The following CEP57 variants were observed in gnomAD, a reference collection of about 807,000 sequenced individuals.
CEP57 encodes the protein centrosomal protein 57.
Under a neutral mutation model 68.0 loss-of-function variants are expected in CEP57, and 40 were observed. That is an observed-to-expected ratio of 0.59 (90% CI 0.46 to 0.77). The LOEUF (loss-of-function observed/expected upper bound fraction) is 0.77, where lower values mean the gene tolerates loss of function less well. Ranked by LOEUF, CEP57 falls within the 30% of genes least tolerant of loss-of-function variation. CEP57 has a pLI of 0.00. For synonymous variants in CEP57, 219 were observed against 198.7 expected, an observed-to-expected ratio of 1.10 and a Z score of -0.86; for missense variants, 606 against 580.7, an observed-to-expected ratio of 1.04 and a Z score of -0.45.
intron 1 of CEP57, among the ~76,000 whole-genome samples, chr11:95,796,782 A>C (rs1250390412): frequency 1.3e-5 from 2 of 152,214 alleles, no homozygotes; most frequent in Non-Finnish European, 2.9e-5. Flanking sequence ...GAGCATCTGC[A>C]TTTCTGCTCA....
At chr11:95,817,389 A>C (rs1305600910) in intron 4 of CEP57, among the ~76,000 whole-genome samples, 2 of 152,108 alleles carry the variant, frequency 1.3e-5, no homozygotes, top group African/African-American at 4.8e-5. Context: ...GTATAAAAGG[A>C]TATTATACAT....
chr11:95,797,668 T>C (rs569675761), intron 1 of CEP57, among the ~76,000 whole-genome samples: 5 of 152,302 alleles, frequency 3.3e-5, no homozygotes, highest in African/African-American at 9.6e-5. Flanking sequence ...ATATATTTTT[T>C]ATTATACCAC....
At chr11:95,814,674 T>A (rs559460716) in intron 4 of CEP57, among the ~76,000 whole-genome samples, 8 of 152,334 alleles carry the variant, frequency 5.3e-5, no homozygotes, top group Admixed American at 2.0e-4. Flanking sequence ...TTGTGTATAT[T>A]TTTTTAAAAC....
intron 6 of CEP57, among the ~76,000 whole-genome samples, chr11:95,820,579 C>CAAAAAAAAAAAAA (rs56260498): frequency 1.1e-4 from 9 of 82,392 alleles, no homozygotes; most frequent in East Asian, 3.6e-4. Context: ...GCAACAAGAG[C>CAAAAAAAAAAAAA]AAAAAAAAAA....
chr11:95,828,801 A>G (rs371362668), intron 9 of CEP57, among the ~76,000 whole-genome samples: 9 of 152,120 alleles, frequency 5.9e-5, no homozygotes, highest in Non-Finnish European at 8.8e-5. Context: ...GGTGGCTCAC[A>G]CCTGTAATCC....
intron 10 of CEP57, among the ~76,000 whole-genome samples, chr11:95,830,651 T>A (rs1400560892): frequency 1.3e-5 from 2 of 152,086 alleles, no homozygotes; most frequent in Admixed American, 6.6e-5. Flanking sequence ...TCCTTCCCAT[T>A]CTTCTTTTCT....
chr11:95,802,954 C>T (rs1192131699), intron 2 of CEP57, among the ~76,000 whole-genome samples: 7 of 152,134 alleles, frequency 4.6e-5, no homozygotes, highest in Non-Finnish European at 1.0e-4. Flanking sequence ...AGCATTTGTT[C>T]CAGAATCTAG....
chr11:95,808,036 A>G (rs1861887564), intron 2 of CEP57, among the ~76,000 whole-genome samples: 1 of 152,200 alleles, frequency 6.6e-6, no homozygotes, highest in African/African-American at 2.4e-5. Context: ...AGAAACTACA[A>G]GCCAGAAGAG....
intron 2 of CEP57, among the ~76,000 whole-genome samples, chr11:95,811,557 T>G (rs1358870948): frequency 6.6e-6 from 1 of 150,704 alleles, no homozygotes; most frequent in Admixed American, 6.6e-5. Context: ...TGAGCACATG[T>G]ACCCTAGAGC....
intron 1 of CEP57, chr11:95,795,517 G>C: frequency 2.1e-6 from 1 of 481,792 alleles, no homozygotes; most frequent in Non-Finnish European, 3.6e-6. Flanking sequence ...TTTTCTTAGT[G>C]TGCAGACTAG....
chr11:95,790,790 C>A, intron 1 of CEP57, 47 bp downstream of exon 1: 1 of 1,607,930 alleles, frequency 6.2e-7, no homozygotes, highest in South Asian at 1.1e-5. Context: ...CCCTAAGCGC[C>A]TCTTTGAGTT....
intron 6 of CEP57, 85 bp downstream of exon 6, chr11:95,818,989 C>G: frequency 9.6e-7 from 1 of 1,041,890 alleles, no homozygotes; most frequent in Middle Eastern, 2.0e-4. Flanking sequence ...AGGTATCTTA[C>G]ATTATTTGTA....
chr11:95,806,256 G>A (rs375707599), intron 2 of CEP57, among the ~76,000 whole-genome samples: 7 of 152,282 alleles, frequency 4.6e-5, no homozygotes, highest in South Asian at 2.1e-4. Context: ...AACTTGGTCC[G>A]GTTCCAAGAT....
rs1421846585 is a variant in CEP57, at chr11:95,827,861, T to C, written c.961T>C (p.Leu321=). The C allele has an allele frequency of 3.7e-6, 6 of 1,614,098 alleles. No homozygotes were observed. The highest frequency in any genetic ancestry group is 1.6e-4 in the Middle Eastern group (1 of 6,062). ...TCTAATGAAGCAACACAGTAAAGCT[T>C]TGTGCAATGATCGAGTCATCAACAG... ...LHLMKQHSKA[L]CNDRVINSIP... is the part of the protein sequence containing the mutation. Residue 321 remains leucine (L), a synonymous_variant, in exon 9 of 11, where the codon TTG becomes CTG. Transcript: ENST00000325542.
At chr11:95,813,288 C>T (rs1383219123) in intron 3 of CEP57, among the ~76,000 whole-genome samples, 177 bp downstream of exon 3, 1 of 152,162 alleles carries the variant, frequency 6.6e-6, no homozygotes, top group Admixed American at 6.5e-5. Flanking sequence ...CATTTATTTA[C>T]TGAATGCAAG....
chr11:95,806,286 C>G (rs977428956), intron 2 of CEP57, among the ~76,000 whole-genome samples: 1 of 152,170 alleles, frequency 6.6e-6, no homozygotes, highest in African/African-American at 2.4e-5. Flanking sequence ...GGAACAGCTC[C>G]AGTCTACAGC....
chr11:95,819,807 C>G (rs910560572), intron 6 of CEP57, among the ~76,000 whole-genome samples: 2 of 152,178 alleles, frequency 1.3e-5, no homozygotes, highest in African/African-American at 2.4e-5. Context: ...GTTATGTTGT[C>G]TATTTCTTCT....
chr11:95,794,183 G>A (rs1277727363), intron 1 of CEP57: 1 of 443,280 alleles, frequency 2.3e-6, no homozygotes, highest in South Asian at 1.6e-5. Flanking sequence ...TTTGCAAGGG[G>A]CAACTCTAGG....
Position 95,822,535 on chromosome 11 carries a change from T to C in CEP57, c.844T>C (p.Tyr282His), listed in dbSNP as rs1456293267. 2 of 1,613,720 alleles carry C rather than the reference T, an allele frequency of 1.2e-6. No individual in the cohort carries two copies. Among genetic ancestry groups the C allele is most frequent in the Non-Finnish European group, 1.7e-6 (2 of 1,179,772 alleles). ...GAACTATTTTGGTGCACAACCACAT[T>C]ATAGATTATGCTTGGGTGATATGCC... ...SRNYFGAQPH[Y>H]RLCLGDMPFV... The change falls in exon 8 of 11, where the codon TAT (tyrosine) becomes CAT (histidine). Residue 282 changes from tyrosine (Y) to histidine (H), a missense_variant. Coordinates refer to ENST00000325542, the MANE Select transcript of CEP57 (RefSeq NM_014679.5).
Sources: gnomAD v4.1 joint callset for allele counts (sites outside exome capture counted in the v4.1 genomes callset) on GRCh38, gnomAD v4.1.1 for gene constraint, MANE v1.5 for transcripts, NCBI Gene and HGNC (gene_info 2026-07-23, HGNC 2026-07-21) for gene names.